The following VPS37C variants were observed in gnomAD, a reference collection of about 807,000 sequenced individuals.
VPS37C encodes vacuolar protein sorting-associated protein 37C.
Under a neutral mutation model 16.1 loss-of-function variants are expected in VPS37C, and 9 were observed. The observed-to-expected ratio is 0.56, with a 90% CI of 0.34 to 0.97. The LOEUF is 0.97. Ranked by LOEUF, VPS37C falls within the 50% of genes least tolerant of loss-of-function variation. The probability of loss-of-function intolerance (pLI) is 0.02; values close to 1 mark genes in which losing one functional copy is unlikely to be tolerated. For synonymous variants in VPS37C, 207 were observed against 206.4 expected, an observed-to-expected ratio of 1.00 and a Z score of -0.02; for missense variants, 479 against 472.7, an observed-to-expected ratio of 1.01 and a Z score of -0.12.
At chr11:61,140,516 G>A (rs1793241231) in intron 1 of VPS37C, among the ~76,000 whole-genome samples, 1 of 152,178 alleles carries the variant, frequency 6.6e-6, no homozygotes, top group African/African-American at 2.4e-5. Context: ...TCTAAGCAGG[G>A]ATTGCCAAAC....
chr11:61,135,570 A>G (rs1184445215), intron 2 of VPS37C, among the ~76,000 whole-genome samples: 3 of 152,186 alleles, frequency 2.0e-5, no homozygotes, highest in Admixed American at 2.0e-4. Flanking sequence ...AGCAGCTGGG[A>G]CTACAGGCAT....
intron 1 of VPS37C, among the ~76,000 whole-genome samples, chr11:61,148,346 A>C (rs1288153426): frequency 1.3e-5 from 2 of 152,200 alleles, no homozygotes; most frequent in Admixed American, 1.3e-4. Context: ...TGGTACCAGA[A>C]GAAGCTGTTA....
At chr11:61,155,476 A>T (rs1590795463) in intron 1 of VPS37C, among the ~76,000 whole-genome samples, 1 of 152,150 alleles carries the variant, frequency 6.6e-6, no homozygotes, top group African/African-American at 2.4e-5. Flanking sequence ...TCTGGCCTGG[A>T]TGACAGAGTG....
At chr11:61,153,002 A>G (rs910036169) in intron 1 of VPS37C, among the ~76,000 whole-genome samples, 4 of 152,226 alleles carry the variant, frequency 2.6e-5, no homozygotes, top group African/African-American at 9.6e-5. Flanking sequence ...AGGAATCAGC[A>G]TGCTTCTCCA....
chr11:61,134,892 G>A (rs1590784347), intron 2 of VPS37C, among the ~76,000 whole-genome samples: 1 of 152,212 alleles, frequency 6.6e-6, no homozygotes, highest in African/African-American at 2.4e-5. Flanking sequence ...CTTCGTCGCT[G>A]CCAGCCAGTG....
chr11:61,160,790 AG>A (rs2134664246), intron 1 of VPS37C, among the ~76,000 whole-genome samples: 1 of 152,352 alleles, frequency 6.6e-6, no homozygotes, highest in South Asian at 2.1e-4. Flanking sequence ...TGTATACATC[AG>A]TGCCCTTTGC....
At chr11:61,156,104 CAA>C (rs1179963247) in intron 1 of VPS37C, among the ~76,000 whole-genome samples, 2 of 151,722 alleles carry the variant, frequency 1.3e-5, no homozygotes, top group East Asian at 3.9e-4. Flanking sequence ...ACAAAGGAAA[CAA>C]AGTGGAATCA....
intron 1 of VPS37C, among the ~76,000 whole-genome samples, chr11:61,142,033 C>A (rs1861480651): frequency 6.6e-6 from 1 of 152,244 alleles, no homozygotes; most frequent in Non-Finnish European, 1.5e-5. Flanking sequence ...ACCAACTCCC[C>A]TCCAGCTGCT....
chr11:61,155,541 C>T (rs1445528350), intron 1 of VPS37C, among the ~76,000 whole-genome samples: 1 of 151,712 alleles, frequency 6.6e-6, no homozygotes, highest in African/African-American at 2.4e-5. Flanking sequence ...TAGCAGACTA[C>T]TGATATGAAA....
chr11:61,155,963 T>C (rs1423990657), intron 1 of VPS37C, among the ~76,000 whole-genome samples: 2 of 150,912 alleles, frequency 1.3e-5, no homozygotes, highest in Admixed American at 6.6e-5. Context: ...AGGAAGGAAA[T>C]GAAAGTAAAC....
chr11:61,149,989 A>C (rs1853272785), intron 1 of VPS37C, among the ~76,000 whole-genome samples: 1 of 152,076 alleles, frequency 6.6e-6, no homozygotes, highest in Non-Finnish European at 1.5e-5. Context: ...CCCAGCACTC[A>C]CACCCTGCCC....
At chr11:61,141,359 C>T (rs568134968) in intron 1 of VPS37C, among the ~76,000 whole-genome samples, 1 of 150,898 alleles carries the variant, frequency 6.6e-6, no homozygotes, top group African/African-American at 2.4e-5. Context: ...CCGAGCAAGA[C>T]TCGGTCTCAA....
chr11:61,132,550 T>C lies in VPS37C; in HGVS notation c.349-11A>G. ...CTTCTCAGCCATGGCCTGGAAGACA[T>C]AAGGTCCAGTGACAACAGGGGCAGC... On this transcript the variant is annotated splice_polypyrimidine_tract_variant and intron_variant, in intron 4 of 4. Coordinates refer to ENST00000301765, the MANE Select transcript of VPS37C (RefSeq NM_017966.5). 6.3e-7 allele frequency: 1 copy of C among 1,575,628 alleles called. No homozygotes were observed. The highest frequency in any genetic ancestry group is 8.6e-7 in the Non-Finnish European group (1 of 1,159,362).
intron 1 of VPS37C, among the ~76,000 whole-genome samples, chr11:61,146,479 G>A (rs1027258189): frequency 6.6e-6 from 1 of 152,222 alleles, no homozygotes; most frequent in Non-Finnish European, 1.5e-5. Context: ...GAGATGGGCC[G>A]CTCTGTGGGC....
intron 1 of VPS37C, among the ~76,000 whole-genome samples, chr11:61,155,104 C>CA (rs61061689): frequency 2.8e-4 from 37 of 130,648 alleles, no homozygotes; most frequent in Non-Finnish European, 4.0e-4. Flanking sequence ...ACTCTGTCTC[C>CA]AAAAAAAAAA....
At chr11:61,139,174 A>C (rs1262515563) in intron 1 of VPS37C, among the ~76,000 whole-genome samples, 1 of 152,254 alleles carries the variant, frequency 6.6e-6, no homozygotes. Flanking sequence ...GCCAGGCAGC[A>C]GGGATGGAGA....
rs1861291150 is a variant in VPS37C, at chr11:61,132,555, T to C, written c.349-16A>G. ...CAGCCATGGCCTGGAAGACATAAGG[T>C]CCAGTGACAACAGGGGCAGCTGGGA... On this transcript the variant is annotated splice_polypyrimidine_tract_variant and intron_variant, in intron 4 of 4. Coordinates refer to ENST00000301765, the MANE Select transcript of VPS37C (RefSeq NM_017966.5). 3 of 1,564,132 alleles carry C rather than the reference T, an allele frequency of 1.9e-6. No homozygotes were observed. The highest frequency in any genetic ancestry group is 2.6e-6 in the Non-Finnish European group (3 of 1,153,260).
intron 1 of VPS37C, among the ~76,000 whole-genome samples, chr11:61,154,823 G>T (rs1030802943): frequency 4.3e-4 from 65 of 152,148 alleles, no homozygotes; most frequent in African/African-American, 1.5e-3. Context: ...AAGCAGTTAG[G>T]GCCAGGCACA....
At chr11:61,154,172 C>T (rs755304540) in intron 1 of VPS37C, among the ~76,000 whole-genome samples, 3 of 152,118 alleles carry the variant, frequency 2.0e-5, no homozygotes, top group Non-Finnish European at 4.4e-5. Flanking sequence ...GTAAAATTCA[C>T]AACATCTGAT....
Sources: gnomAD v4.1 joint callset for allele counts (sites outside exome capture counted in the v4.1 genomes callset) on GRCh38, gnomAD v4.1.1 for gene constraint, MANE v1.5 for transcripts, NCBI Gene and HGNC (gene_info 2026-07-23, HGNC 2026-07-21) for gene names.